SYNDIG1: variants seen among roughly 807,000 people sequenced by gnomAD.
SYNDIG1 encodes the protein synapse differentiation inducing 1.
SYNDIG1 carries 9 observed loss-of-function variants against 19.4 expected under a neutral mutation model. The ratio of observed to expected loss-of-function variants is 0.46; its 90% CI spans 0.28 to 0.81. SYNDIG1 has a LOEUF of 0.81. Ranked by LOEUF, SYNDIG1 falls within the 30% of genes least tolerant of loss-of-function variation. The pLI is 0.12. For missense variants in SYNDIG1, 311 were observed against 343.3 expected, an observed-to-expected ratio of 0.91 and a Z score of 0.74; for synonymous variants, 141 against 145.9, an observed-to-expected ratio of 0.97 and a Z score of 0.24.
At position 24,563,777 on chromosome 20, in the gene SYNDIG1, T is replaced by C. The variant is rs148448304; in HGVS notation, c.480+20200T>C. ...CCACCATGTCCAGCTAATTTTTGTA[T>C]TTGTTTTTTTGTAGAGACAGGGTCT... On this transcript the variant is annotated intron_variant, in intron 2 of 3. Transcript: ENST00000376862. 6.9e-3 allele frequency among the ~76,000 whole-genome samples: 1,044 copies of C among 152,262 alleles called. 10 individuals are homozygous for C. Among genetic ancestry groups the C allele is most frequent in the African/African-American group, 0.024 (1,004 of 41,534 alleles).
chr20:24,480,318 C>T (rs1194377821), intron 1 of SYNDIG1, among the ~76,000 whole-genome samples: 2 of 152,182 alleles, frequency 1.3e-5, no homozygotes, highest in African/African-American at 4.8e-5. Context: ...TTGAGCTTGA[C>T]AGAATTATTC....
intron 3 of SYNDIG1, among the ~76,000 whole-genome samples, chr20:24,635,264 A>G (rs888421243): frequency 2.0e-5 from 3 of 152,214 alleles, no homozygotes; most frequent in Admixed American, 6.5e-5. Flanking sequence ...GAAGAGCCCC[A>G]TCGTCCTGTC....
At chr20:24,624,361 A>G (rs1354329551) in intron 3 of SYNDIG1, among the ~76,000 whole-genome samples, 1 of 152,182 alleles carries the variant, frequency 6.6e-6, no homozygotes, top group African/African-American at 2.4e-5. Flanking sequence ...AAAAAGATGT[A>G]CTATGCTAAC....
intron 3 of SYNDIG1, among the ~76,000 whole-genome samples, chr20:24,633,238 A>T (rs2059271315): frequency 6.6e-6 from 1 of 152,174 alleles, no homozygotes; most frequent in Non-Finnish European, 1.5e-5. Context: ...ATTCAGGCAC[A>T]TGTTACTGTC....
chr20:24,598,189 T>C (rs1255446677), intron 3 of SYNDIG1, among the ~76,000 whole-genome samples: 1 of 152,166 alleles, frequency 6.6e-6, no homozygotes, highest in Non-Finnish European at 1.5e-5. Flanking sequence ...GTGCAGGGTA[T>C]GGAGTGGAGG....
At chr20:24,544,484 C>A (rs890664876) in intron 2 of SYNDIG1, among the ~76,000 whole-genome samples, 2 of 152,128 alleles carry the variant, frequency 1.3e-5, no homozygotes, top group Non-Finnish European at 2.9e-5. Context: ...CTGTTTTTCA[C>A]TAAGGTAGGC....
chr20:24,664,182 A>G (rs2059628218), intron 3 of SYNDIG1, among the ~76,000 whole-genome samples: 1 of 152,074 alleles, frequency 6.6e-6, no homozygotes, highest in Non-Finnish European at 1.5e-5. Flanking sequence ...CACGACACAG[A>G]CTTCCAGAGC....
intron 2 of SYNDIG1, among the ~76,000 whole-genome samples, chr20:24,565,536 G>C (rs2058028417): frequency 6.6e-6 from 1 of 152,182 alleles, no homozygotes; most frequent in African/African-American, 2.4e-5. Context: ...GGTGATGTTT[G>C]GGTGTTTCTC....
At chr20:24,541,901 G>T (rs563122709) in intron 1 of SYNDIG1, among the ~76,000 whole-genome samples, 12 of 152,212 alleles carry the variant, frequency 7.9e-5, no homozygotes, top group Non-Finnish European at 1.5e-4. Context: ...CTCATTAGAG[G>T]CATTCTCTCT....
chr20:24,618,122 G>T (rs1401626638), intron 3 of SYNDIG1, among the ~76,000 whole-genome samples: 1 of 143,900 alleles, frequency 6.9e-6, no homozygotes. Context: ...AGCCCGGGGA[G>T]GGGGGTCCTG....
At chr20:24,631,745 T>C (rs908171196) in intron 3 of SYNDIG1, among the ~76,000 whole-genome samples, 1 of 152,174 alleles carries the variant, frequency 6.6e-6, no homozygotes, top group Non-Finnish European at 1.5e-5. Flanking sequence ...TATATATATA[T>C]ACACACACAT....
chr20:24,503,963 T>G (rs76652958), intron 1 of SYNDIG1, among the ~76,000 whole-genome samples: 12 of 149,402 alleles, frequency 8.0e-5, no homozygotes, highest in Admixed American at 4.6e-4. Flanking sequence ...CAGGTTTTTT[T>G]TTTTTTTTTT....
intron 1 of SYNDIG1, among the ~76,000 whole-genome samples, chr20:24,536,561 G>A (rs1451899936): frequency 6.6e-6 from 1 of 152,006 alleles, no homozygotes; most frequent in Non-Finnish European, 1.5e-5. Flanking sequence ...TTAGAAACCG[G>A]GTGTGCCCTT....
chr20:24,490,868 G>A (rs2056127232), intron 1 of SYNDIG1, among the ~76,000 whole-genome samples: 1 of 152,216 alleles, frequency 6.6e-6, no homozygotes, highest in South Asian at 2.1e-4. Flanking sequence ...CCCACAGTCT[G>A]GAAATTTGCA....
chr20:24,487,192 T>G (rs1020791825), intron 1 of SYNDIG1, among the ~76,000 whole-genome samples: 1 of 152,204 alleles, frequency 6.6e-6, no homozygotes, highest in African/African-American at 2.4e-5. Flanking sequence ...TTAATTTGCC[T>G]TAAGTAAACT....
chr20:24,561,923 C>T (rs1568643682), intron 2 of SYNDIG1, among the ~76,000 whole-genome samples: 2 of 152,220 alleles, frequency 1.3e-5, no homozygotes, highest in Non-Finnish European at 2.9e-5. Context: ...TTAAATTACT[C>T]ATTTCTCTCT....
intron 3 of SYNDIG1, among the ~76,000 whole-genome samples, chr20:24,592,331 A>G (rs1357300966): frequency 6.6e-6 from 1 of 152,182 alleles, no homozygotes; most frequent in African/African-American, 2.4e-5. Flanking sequence ...TTCCCTTCTC[A>G]ATCTTACTCT....
At chr20:24,618,368 G>T (rs2058982091) in intron 3 of SYNDIG1, among the ~76,000 whole-genome samples, 1 of 151,464 alleles carries the variant, frequency 6.6e-6, no homozygotes, top group Admixed American at 6.6e-5. Context: ...GGGAGAGCCT[G>T]GGGAAGGGGG....
chr20:24,502,481 C>T (rs180688373), intron 1 of SYNDIG1: 1 of 152,158 alleles, frequency 6.6e-6, no homozygotes, highest in Non-Finnish European at 1.5e-5. Context: ...TGAATCATAC[C>T]CCGGGCACAG....
Sources: allele counts gnomAD v4.1 joint callset (sites outside exome capture counted in the v4.1 genomes callset), GRCh38; gene constraint gnomAD v4.1.1; transcripts MANE v1.5; gene names NCBI Gene and HGNC (gene_info 2026-07-23, HGNC 2026-07-21).